Variants in SPMIP2 observed in about 807,000 individuals in gnomAD.
The protein encoded by SPMIP2 is sperm microtubule inner protein 2, also known as protein SPMIP2.
chr4:159,037,444 C>CTTTTTTTTTTT, the SPMIP2 span, among the ~76,000 whole-genome samples: 1 of 143,792 alleles, frequency 7.0e-6, no homozygotes, highest in African/African-American at 2.5e-5. Flanking sequence ...CTGTTCCTTC[C>CTTTTTTTTTTT]TTTTTTTTTT....
the SPMIP2 span, among the ~76,000 whole-genome samples, chr4:159,055,571 G>A: frequency 2.9e-3 from 446 of 152,178 alleles, no homozygotes; most frequent in African/African-American, 9.9e-3. Flanking sequence ...TTAGCTGGGC[G>A]TGGTGGTGTG....
At chr4:158,944,859 TC>T in the SPMIP2 span, among the ~76,000 whole-genome samples, 3 of 152,214 alleles carry the variant, frequency 2.0e-5, no homozygotes, top group African/African-American at 4.8e-5. Flanking sequence ...ACTATCATTC[TC>T]CTGGGCTGCC....
chr4:158,964,163 AAAACAAAACAAAACAAAACAAAAC>A, the SPMIP2 span, among the ~76,000 whole-genome samples: 1 of 106,148 alleles, frequency 9.4e-6, no homozygotes, highest in Non-Finnish European at 2.2e-5. Flanking sequence ...AAAACAAAAC[AAAACAAAACAAAACAAAACAAAAC>A]AAAAAACATG....
chr4:159,004,015 T>C, the SPMIP2 span, among the ~76,000 whole-genome samples: 1 of 151,800 alleles, frequency 6.6e-6, no homozygotes, highest in African/African-American at 2.4e-5. Flanking sequence ...GTTTTTTTTG[T>C]TGTTGTTTTG....
the SPMIP2 span, among the ~76,000 whole-genome samples, chr4:159,062,697 G>GGCTCTCTCTCTCTCTCTCTCTCTCTCTC: frequency 1.1e-5 from 1 of 95,112 alleles, no homozygotes; most frequent in Non-Finnish European, 2.2e-5. Flanking sequence ...TTGAAACAGG[G>GGCTCTCTCTCTCTCTCTCTCTCTCTCTC]TCTCTCTCTC....
the SPMIP2 span, among the ~76,000 whole-genome samples, chr4:159,050,025 G>A: frequency 6.6e-6 from 1 of 152,164 alleles, no homozygotes; most frequent in East Asian, 1.9e-4. Flanking sequence ...TTTTAAAAAT[G>A]TGCATTGCTA....
chr4:158,925,026 C>T, the SPMIP2 span, among the ~76,000 whole-genome samples: 7 of 152,086 alleles, frequency 4.6e-5, no homozygotes, highest in African/African-American at 9.7e-5. Context: ...CTTGTTATAT[C>T]TTTGTCTGCT....
the SPMIP2 span, among the ~76,000 whole-genome samples, chr4:158,968,568 A>G: frequency 6.6e-6 from 1 of 152,146 alleles, no homozygotes; most frequent in Non-Finnish European, 1.5e-5. Context: ...CATTTCATAC[A>G]TCCTGTATTC....
chr4:158,916,308 A>G, the SPMIP2 span, among the ~76,000 whole-genome samples: 1 of 152,242 alleles, frequency 6.6e-6, no homozygotes, highest in Non-Finnish European at 1.5e-5. Flanking sequence ...ATTAAGGCAG[A>G]TGAGTAGAAA....
At chr4:159,032,781 C>CTTT in the SPMIP2 span, among the ~76,000 whole-genome samples, 5 of 140,486 alleles carry the variant, frequency 3.6e-5, no homozygotes, top group African/African-American at 1.0e-4. Context: ...AATGACCTTT[C>CTTT]TTTTTTTTTT....
chr4:159,061,890 C>A, the SPMIP2 span, among the ~76,000 whole-genome samples: 1 of 150,846 alleles, frequency 6.6e-6, no homozygotes, highest in South Asian at 2.1e-4. Context: ...GGGAAAACTG[C>A]GAATGTCTTA....
At chr4:158,927,268 G>T in the SPMIP2 span, among the ~76,000 whole-genome samples, 1 of 152,020 alleles carries the variant, frequency 6.6e-6, no homozygotes, top group Non-Finnish European at 1.5e-5. Context: ...AACAACTTTT[G>T]TCTTGGAGAC....
the SPMIP2 span, chr4:159,035,037 A>G: frequency 6.2e-7 from 1 of 1,611,974 alleles, no homozygotes; most frequent in South Asian, 1.1e-5. Flanking sequence ...ATTTACCTGT[A>G]AAAATCATTT....
the SPMIP2 span, among the ~76,000 whole-genome samples, chr4:158,904,193 C>T: frequency 6.6e-6 from 1 of 152,146 alleles, no homozygotes; most frequent in Non-Finnish European, 1.5e-5. Flanking sequence ...CTGGTGACCC[C>T]TGCCAAGGGA....
the SPMIP2 span, among the ~76,000 whole-genome samples, chr4:159,076,173 A>G: frequency 8.5e-5 from 13 of 152,310 alleles, no homozygotes; most frequent in Non-Finnish European, 1.2e-4. Context: ...GGTTATTAAA[A>G]CAAGATCACA....
At chr4:159,074,849 T>C in the SPMIP2 span, among the ~76,000 whole-genome samples, 1 of 152,042 alleles carries the variant, frequency 6.6e-6, no homozygotes. Context: ...ACACTCACAT[T>C]AGGGATTTTC....
At chr4:158,986,712 T>C in the SPMIP2 span, among the ~76,000 whole-genome samples, 1 of 152,172 alleles carries the variant, frequency 6.6e-6, no homozygotes, top group Non-Finnish European at 1.5e-5. Flanking sequence ...ATTCAGGACA[T>C]AGGCATGGGC....
the SPMIP2 span, among the ~76,000 whole-genome samples, chr4:159,014,325 C>T: frequency 5.7e-5 from 8 of 140,038 alleles, no homozygotes; most frequent in Non-Finnish European, 1.3e-4. Flanking sequence ...TGGTGGCTGG[C>T]GCCTATAGTC....
At chr4:159,070,271 T>C in the SPMIP2 span, among the ~76,000 whole-genome samples, 2 of 152,206 alleles carry the variant, frequency 1.3e-5, no homozygotes, top group African/African-American at 2.4e-5. Context: ...ATTTAGTGAA[T>C]ACAGTGAAGT....
Sources: allele counts gnomAD v4.1 joint callset (sites outside exome capture counted in the v4.1 genomes callset), GRCh38; gene constraint gnomAD v4.1.1; transcripts MANE v1.5; gene names NCBI Gene and HGNC (gene_info 2026-07-23, HGNC 2026-07-21).